The following KCNMB2 variants were observed in gnomAD, a reference collection of about 807,000 sequenced individuals.
The protein encoded by KCNMB2 is calcium-activated potassium channel subunit beta-2.
KCNMB2 carries 9 observed loss-of-function variants against 24.5 expected under a neutral mutation model. That is an observed-to-expected ratio of 0.37 (90% CI 0.22 to 0.64). KCNMB2 has a LOEUF of 0.64. KCNMB2 is among the 30% of genes least tolerant of loss of function. The pLI is 0.63. For synonymous variants in KCNMB2, 109 were observed against 104.4 expected, an observed-to-expected ratio of 1.04 and a Z score of -0.27; for missense variants, 226 against 284.3, an observed-to-expected ratio of 0.79 and a Z score of 1.47.
chr3:178,656,599 C>T (rs1376248996), intron 1 of KCNMB2, among the ~76,000 whole-genome samples: 1 of 151,876 alleles, frequency 6.6e-6, no homozygotes, highest in Non-Finnish European at 1.5e-5. Context: ...AAGGTGAAAC[C>T]CCGTCTCTAC....
chr3:178,579,915 A>G (rs1175297997), intron 1 of KCNMB2, among the ~76,000 whole-genome samples: 1 of 152,182 alleles, frequency 6.6e-6, no homozygotes, highest in African/African-American at 2.4e-5. Context: ...GACCAGATGA[A>G]TTCACAGCCG....
At chr3:178,758,240 G>A (rs1035928538) in intron 1 of KCNMB2, among the ~76,000 whole-genome samples, 20 of 8,802 alleles carry the variant, frequency 2.3e-3, no homozygotes, top group South Asian at 5.2e-3. Context: ...ATATCCAAGG[G>A]GATATATATA....
chr3:178,759,842 C>A (rs536626837), intron 1 of KCNMB2, among the ~76,000 whole-genome samples: 15 of 4,318 alleles, frequency 3.5e-3, no homozygotes, highest in African/African-American at 0.012. Context: ...GAGGATATAT[C>A]TATATATATA....
chr3:178,764,031 A>C (rs1320509923), intron 1 of KCNMB2, among the ~76,000 whole-genome samples: 1 of 152,178 alleles, frequency 6.6e-6, no homozygotes, highest in African/African-American at 2.4e-5. Flanking sequence ...AAGATAACTA[A>C]ATGTTCAAGG....
At chr3:178,587,602 G>GTT (rs1471367002) in intron 1 of KCNMB2, among the ~76,000 whole-genome samples, 3 of 143,270 alleles carry the variant, frequency 2.1e-5, no homozygotes, top group Admixed American at 6.9e-5. Flanking sequence ...TTTTTGGGTG[G>GTT]TTTTTTTTTT....
At chr3:178,706,205 T>G (rs971174975) in intron 1 of KCNMB2, among the ~76,000 whole-genome samples, 5 of 152,140 alleles carry the variant, frequency 3.3e-5, no homozygotes, top group African/African-American at 9.7e-5. Context: ...CTGCTTGATC[T>G]TCCACAAAGT....
intron 1 of KCNMB2, chr3:178,757,158 A>G (rs1724089503): frequency 1.3e-5 from 2 of 148,736 alleles, no homozygotes; most frequent in Non-Finnish European, 3.0e-5. Flanking sequence ...AAATTTAGCT[A>G]AGATTGATAG....
intron 1 of KCNMB2, among the ~76,000 whole-genome samples, chr3:178,735,029 A>C (rs1723272217): frequency 6.6e-6 from 1 of 152,220 alleles, no homozygotes; most frequent in Non-Finnish European, 1.5e-5. Flanking sequence ...AAGACTAGGG[A>C]GTCAGATTTA....
chr3:178,668,412 G>A (rs55647648), intron 1 of KCNMB2, among the ~76,000 whole-genome samples: 21,347 of 152,028 alleles, frequency 0.14, 1,840 homozygotes, highest in Admixed American at 0.22. Context: ...CTTTTTCTGC[G>A]ATATTGAGGA....
intron 1 of KCNMB2, among the ~76,000 whole-genome samples, chr3:178,592,447 G>C (rs1717708505): frequency 6.6e-6 from 1 of 151,890 alleles, no homozygotes. Context: ...ACTCTCTTAA[G>C]GAATGATGCG....
At chr3:178,576,371 C>T (rs1294507554) in intron 1 of KCNMB2, among the ~76,000 whole-genome samples, 2 of 152,146 alleles carry the variant, frequency 1.3e-5, no homozygotes, top group East Asian at 3.9e-4. Flanking sequence ...CCCTTGGGTG[C>T]CTATACCACC....
intron 1 of KCNMB2, among the ~76,000 whole-genome samples, chr3:178,697,114 C>A (rs1721908392): frequency 6.6e-6 from 1 of 152,124 alleles, no homozygotes; most frequent in African/African-American, 2.4e-5. Context: ...AGATATCTAT[C>A]AGGTCCATTT....
At chr3:178,544,471 C>T (rs369929912) in intron 1 of KCNMB2, among the ~76,000 whole-genome samples, 3 of 152,194 alleles carry the variant, frequency 2.0e-5, no homozygotes, top group South Asian at 2.1e-4. Flanking sequence ...CATCAAAGCC[C>T]GGGTGACAGA....
intron 1 of KCNMB2, among the ~76,000 whole-genome samples, chr3:178,701,753 A>C (rs1722104833): frequency 1.3e-5 from 2 of 152,202 alleles, no homozygotes; most frequent in Admixed American, 1.3e-4. Flanking sequence ...GCAATCATCA[A>C]AAAGTCAGGA....
chr3:178,768,108 A>C (rs1022501942), intron 1 of KCNMB2, among the ~76,000 whole-genome samples: 1 of 152,014 alleles, frequency 6.6e-6, no homozygotes, highest in Non-Finnish European at 1.5e-5. Context: ...CCCCAGAACA[A>C]TTTATTCAAA....
intron 1 of KCNMB2, among the ~76,000 whole-genome samples, chr3:178,728,417 C>T (rs1419258047): frequency 6.6e-6 from 1 of 152,108 alleles, no homozygotes; most frequent in African/African-American, 2.4e-5. Flanking sequence ...AATGCAGTTT[C>T]TTATTTTTCA....
intron 2 of KCNMB2, among the ~76,000 whole-genome samples, chr3:178,819,838 T>C (rs73053731): frequency 0.26 from 39,796 of 151,972 alleles, 7,035 homozygotes; most frequent in African/African-American, 0.51. Flanking sequence ...AATTGAAAGG[T>C]TCCCACATGA....
intron 1 of KCNMB2, among the ~76,000 whole-genome samples, chr3:178,544,676 T>C (rs979690529): frequency 1.3e-5 from 2 of 152,200 alleles, no homozygotes; most frequent in Admixed American, 1.3e-4. Context: ...TTCCTTGTCA[T>C]CTTGGTGTTT....
chr3:178,652,537 A>G (rs1404637390), intron 1 of KCNMB2, among the ~76,000 whole-genome samples: 1 of 152,088 alleles, frequency 6.6e-6, no homozygotes, highest in Non-Finnish European at 1.5e-5. Flanking sequence ...TGATACTGTA[A>G]TATGTTTTAA....
Sources: allele counts gnomAD v4.1 joint callset (sites outside exome capture counted in the v4.1 genomes callset), GRCh38; gene constraint gnomAD v4.1.1; transcripts MANE v1.5; gene names NCBI Gene and HGNC (gene_info 2026-07-23, HGNC 2026-07-21).